LIMCH1: variants seen among roughly 807,000 people sequenced by gnomAD.
LIMCH1 encodes the protein LIM and calponin homology domains 1.
LIMCH1 carries 113 observed loss-of-function variants against 176.5 expected under a neutral mutation model. That is an observed-to-expected ratio of 0.64 (90% CI 0.55 to 0.75). LIMCH1 has a LOEUF of 0.75. LIMCH1 is among the 30% of genes least tolerant of loss of function. LIMCH1 has a pLI of 0.00. For missense variants in LIMCH1, 1,674 were observed against 1,814.9 expected, an observed-to-expected ratio of 0.92 and a Z score of 1.41; for synonymous variants, 619 against 645.9, an observed-to-expected ratio of 0.96 and a Z score of 0.63.
chr4:41,622,775 A>G (rs2092679272), intron 7 of LIMCH1, among the ~76,000 whole-genome samples: 1 of 152,298 alleles, frequency 6.6e-6, no homozygotes, highest in Non-Finnish European at 1.5e-5. Context: ...GTTTCCTGTT[A>G]TTTGGCTTAA....
chr4:41,399,264 A>G (rs1303564503), intron 1 of LIMCH1, among the ~76,000 whole-genome samples: 2 of 152,064 alleles, frequency 1.3e-5, no homozygotes, highest in South Asian at 2.1e-4. Flanking sequence ...CTTGTTTCTT[A>G]TATTAAGATT....
chr4:41,697,023 C>G (rs1201450770), intron 31 of LIMCH1, 137 bp from the exon 32 acceptor site: 1 of 792,364 alleles, frequency 1.3e-6, no homozygotes, highest in Non-Finnish European at 2.2e-6. Flanking sequence ...CTTCAAGTAG[C>G]AGGATGGGAG....
intron 1 of LIMCH1, among the ~76,000 whole-genome samples, chr4:41,448,827 A>T (rs1043208419): frequency 3.3e-5 from 5 of 152,150 alleles, no homozygotes; most frequent in Admixed American, 3.3e-4. Flanking sequence ...GTGGTCTCCA[A>T]ACTTTCTTTA....
intron 1 of LIMCH1, among the ~76,000 whole-genome samples, chr4:41,576,331 A>G (rs2084460142): frequency 6.6e-6 from 1 of 152,204 alleles, no homozygotes. Context: ...TATAAAGGCA[A>G]TACTTGCTTA....
intron 1 of LIMCH1, among the ~76,000 whole-genome samples, chr4:41,487,115 T>TC (rs1455653477): frequency 2.0e-5 from 3 of 152,092 alleles, no homozygotes; most frequent in Admixed American, 6.6e-5. Flanking sequence ...CGCCTCGGAC[T>TC]CCCAAAGTGC....
Position 41,644,739 on chromosome 4 carries a change from G to A in LIMCH1, c.2253+113G>A, listed in dbSNP as rs191338342. 3.3e-4 allele frequency: 424 copies of A among 1,291,232 alleles called. 3 individuals carry two copies. The African/African-American group carries it at 5.8e-3, about 18-fold the overall frequency. The allele number at this position is 1,291,232 out of a possible 1,614,324, so 80.0% of individuals were successfully genotyped here. A position where few individuals can be genotyped will look rare whatever the true frequency, so the allele number is the denominator to read the frequency against. On this transcript the variant is annotated intron_variant, in intron 15 of 31. Coordinates refer to ENST00000503057, the MANE Select transcript of LIMCH1 (RefSeq NM_001330672.2). ...ATGCGGGGAAAGGGAGCCCCTAGAG[G>A]GTTTCAAAAGGTGACACGGTAAATG...
intron 5 of LIMCH1, 142 bp from the exon 6 acceptor site, chr4:41,619,046 A>G (rs2092361991): frequency 1.9e-6 from 2 of 1,035,958 alleles, no homozygotes; most frequent in Non-Finnish European, 1.4e-6. Context: ...TAACAAATCT[A>G]CACTTTAGAT....
intron 1 of LIMCH1, among the ~76,000 whole-genome samples, chr4:41,404,898 C>A: frequency 6.6e-6 from 1 of 152,260 alleles, no homozygotes; most frequent in East Asian, 1.9e-4. Context: ...CACTCCTTCA[C>A]TAAATATTTA....
intron 1 of LIMCH1, among the ~76,000 whole-genome samples, chr4:41,412,395 C>T (rs1297649551): frequency 6.6e-6 from 1 of 152,094 alleles, no homozygotes; most frequent in Non-Finnish European, 1.5e-5. Flanking sequence ...ATTTTTCTTT[C>T]ACTTTTCGGG....
intron 31 of LIMCH1, chr4:41,692,760 T>C (rs1384596791): frequency 1.1e-5 from 2 of 179,470 alleles, no homozygotes; most frequent in Non-Finnish European, 2.3e-5. Flanking sequence ...GGAGAGCGGC[T>C]CTCCACTGTT....
At chr4:41,369,415 G>A (rs1194998932) in intron 1 of LIMCH1, among the ~76,000 whole-genome samples, 1 of 152,170 alleles carries the variant, frequency 6.6e-6, no homozygotes, top group East Asian at 1.9e-4. Context: ...ACCCCAGGCA[G>A]GAGTAATGCT....
intron 2 of LIMCH1, among the ~76,000 whole-genome samples, chr4:41,514,100 A>G (rs1405411797): frequency 6.7e-6 from 1 of 149,564 alleles, no homozygotes; most frequent in African/African-American, 2.4e-5. Flanking sequence ...AGTCCGTGAT[A>G]GTTCCAAAAC....
intron 14 of LIMCH1, among the ~76,000 whole-genome samples, chr4:41,641,781 A>G (rs2093833843): frequency 6.6e-6 from 1 of 152,204 alleles, no homozygotes. Context: ...GTCAGCATTC[A>G]AAGAGTTTTG....
intron 1 of LIMCH1, among the ~76,000 whole-genome samples, chr4:41,594,469 A>G (rs1268127153): frequency 4.6e-5 from 7 of 152,192 alleles, no homozygotes; most frequent in African/African-American, 1.7e-4. Flanking sequence ...GGAAATTGTA[A>G]ATGTGGAAAA....
chr4:41,471,045 T>TTTTA (rs71198660), intron 1 of LIMCH1, among the ~76,000 whole-genome samples: 1 of 150,212 alleles, frequency 6.7e-6, no homozygotes, highest in Non-Finnish European at 1.5e-5. Flanking sequence ...TTTTTTTTTT[T>TTTTA]AACATAGATG....
chr4:41,647,017 C>T (rs2094092906), intron 17 of LIMCH1, 124 bp downstream of exon 17: 2 of 933,282 alleles, frequency 2.1e-6, no homozygotes, highest in Non-Finnish European at 3.2e-6. Context: ...TTGACATTTA[C>T]AGCTGTGAAA....
intron 1 of LIMCH1, among the ~76,000 whole-genome samples, chr4:41,364,969 C>A (rs905133619): frequency 1.3e-5 from 2 of 152,098 alleles, no homozygotes; most frequent in Non-Finnish European, 2.9e-5. Flanking sequence ...TTTCCTGATT[C>A]CCCGCTTCTC....
At position 41,419,604 on chromosome 4, in the gene LIMCH1, G is replaced by GTCCTTCCT. The variant is rs771746018; in HGVS notation, c.96+58693_96+58700dup. 1.9e-3 allele frequency among the ~76,000 whole-genome samples: 89 copies of GTCCTTCCT among 47,292 alleles called. 2 individuals are homozygous for GTCCTTCCT. Among genetic ancestry groups the GTCCTTCCT allele is most frequent in the Non-Finnish European group, 2.4e-3 (63 of 25,984 alleles). The allele number at this position is 47,292 out of a possible 152,430, so 31.0% of individuals were successfully genotyped here. The stretch of plus-strand genomic sequence containing the variant: ...CTTCCTTCCTTCCTTCCTTCCTTCC[G>GTCCTTCCT]TCCTTCCTTCCTTCCTTCCTTCCTT... On this transcript the variant is annotated intron_variant, in intron 1 of 26. Coordinates refer to the LIMCH1 transcript ENST00000313860.
In LIMCH1 at chr4:41,625,785, G is replaced by A. The variant is rs896102969; in HGVS notation, c.726-923G>A. Among the ~76,000 whole-genome samples, 17 of 152,262 alleles carry A rather than the reference G, an allele frequency of 1.1e-4. No individual in the cohort carries two copies. In the South Asian group the frequency reaches 2.9e-3, roughly 26 times the overall value. On this transcript the variant is annotated intron_variant, in intron 7 of 31. Coordinates refer to ENST00000503057, the MANE Select transcript of LIMCH1 (RefSeq NM_001330672.2). ...GACCAGATTCTCCCTGCTCAAATTG[G>A]CATCGCAAATTGGCAGGGTCATTTG...
Sources: gnomAD v4.1 joint callset for allele counts (sites outside exome capture counted in the v4.1 genomes callset) on GRCh38, gnomAD v4.1.1 for gene constraint, MANE v1.5 for transcripts, NCBI Gene and HGNC (gene_info 2026-07-23, HGNC 2026-07-21) for gene names.